SP140: variants seen among roughly 807,000 people sequenced by gnomAD.
SP140 encodes SP140 nuclear body protein.
A neutral mutation model predicts 125.0 loss-of-function variants in SP140; 81 were observed. The ratio of observed to expected loss-of-function variants is 0.65; its 90% CI spans 0.54 to 0.78. The LOEUF is 0.78. Among genes scored for constraint, SP140 ranks in the 30% least tolerant of loss-of-function variants. The pLI is 0.00. For missense variants in SP140, 858 were observed against 1,037.0 expected (o/e 0.83, Z 2.37); for synonymous variants, 312 against 354.0 (o/e 0.88, Z 1.33).
At chr2:230,260,485 G>A (rs1291066575) in intron 12 of SP140, among the ~76,000 whole-genome samples, 1 of 152,082 alleles carries the variant, frequency 6.6e-6, no homozygotes, top group Non-Finnish European at 1.5e-5. Context: ...TCTTTCATTT[G>A]CTTTTGGGTT....
chr2:230,201,635 T>C (rs1338836960), upstream of SP140, among the ~76,000 whole-genome samples: 1 of 152,228 alleles, frequency 6.6e-6, no homozygotes, highest in African/African-American at 2.4e-5. Flanking sequence ...AGCACTTCTA[T>C]TGCATCCTGA....
chr2:230,215,491 T>C (rs1300978379), intron 3 of SP140, among the ~76,000 whole-genome samples: 1 of 152,232 alleles, frequency 6.6e-6, no homozygotes, highest in Non-Finnish European at 1.5e-5. Context: ...GCAATGGTTC[T>C]AGTGATGGTC....
At chr2:230,278,587 A>G (rs2055061198) in intron 15 of SP140, among the ~76,000 whole-genome samples, 1 of 152,062 alleles carries the variant, frequency 6.6e-6, no homozygotes, top group African/African-American at 2.4e-5. Flanking sequence ...ACTAACCTCA[A>G]GGAGCTTTTC....
intron 12 of SP140, among the ~76,000 whole-genome samples, chr2:230,261,960 G>T (rs1339612899): frequency 6.6e-6 from 1 of 152,144 alleles, no homozygotes; most frequent in Non-Finnish European, 1.5e-5. Context: ...GGGTGATGCT[G>T]GCTTCACAGA....
rs1237770490 is a variant in SP140, at chr2:230,297,448, T to A, written c.2044T>A (p.Ser682Thr). 9 of 1,613,822 alleles carry A rather than the reference T, an allele frequency of 5.6e-6. No homozygotes were observed. Among genetic ancestry groups the A allele is most frequent in the Non-Finnish European group, 7.6e-6 (9 of 1,179,790 alleles). Residue 682 changes from serine to threonine, a missense_variant, in exon 22 of 27, where the codon TCA becomes ACA. Physicochemically the swap from Ser to Thr is moderately conservative, Grantham distance 58. Transcript: ENST00000392045. The stretch of plus-strand genomic sequence containing the variant: ...AATACTGAAGTCTCAAAACAATAGC[T>A]CAGTTGACCCTTGTGTAAGTACAAA... The part of the protein sequence containing the change: ...KRILKSQNNS[S>T]VDPCMRNLDE...
intron 1 of SP140, among the ~76,000 whole-genome samples, chr2:230,208,679 T>C (rs1455447471): frequency 1.3e-5 from 2 of 152,134 alleles, no homozygotes; most frequent in Non-Finnish European, 2.9e-5. Flanking sequence ...TTGCAGGAAG[T>C]AGCATTGTCA....
intron 12 of SP140, among the ~76,000 whole-genome samples, chr2:230,267,676 A>G (rs1231554099): frequency 1.3e-5 from 2 of 152,174 alleles, no homozygotes; most frequent in Non-Finnish European, 2.9e-5. Flanking sequence ...TGTCGGGGAG[A>G]TTATGGCTTT....
intron 15 of SP140, among the ~76,000 whole-genome samples, chr2:230,281,994 C>T (rs2055638700): frequency 6.6e-6 from 1 of 151,974 alleles, no homozygotes. Flanking sequence ...CAGAGCAAGC[C>T]CAGGTGGATG....
intron 10 of SP140, among the ~76,000 whole-genome samples, chr2:230,252,893 C>A (rs1052314692): frequency 6.6e-6 from 1 of 151,718 alleles, no homozygotes; most frequent in African/African-American, 2.4e-5. Context: ...GAGGAGTGAA[C>A]CAGGGATCAA....
chr2:230,273,067 T>C (rs1322263140), intron 15 of SP140, among the ~76,000 whole-genome samples: 4 of 152,144 alleles, frequency 2.6e-5, no homozygotes, highest in Non-Finnish European at 5.9e-5. Flanking sequence ...CCAAAAGCAA[T>C]TGCAATAAAA....
chr2:230,248,828 C>A (rs2049915633), intron 8 of SP140, 57 bp from the exon 9 acceptor site: 1 of 1,407,324 alleles, frequency 7.1e-7, no homozygotes, highest in Non-Finnish European at 1.0e-6. Flanking sequence ...CATGAACACA[C>A]TGAGGCCTGT....
upstream of SP140, chr2:230,202,545 C>A (rs781125528): frequency 1.1e-5 from 18 of 1,609,804 alleles, no homozygotes; most frequent in South Asian, 1.8e-4. Flanking sequence ...CCACACTGAG[C>A]CATTCAAATG....
At chr2:230,253,490 C>T in intron 11 of SP140, 73 bp downstream of exon 11, 2 of 1,105,928 alleles carry the variant, frequency 1.8e-6, no homozygotes, top group Non-Finnish European at 2.8e-6. Context: ...AAAAGCTTCC[C>T]TTTCTCCCAT....
At chr2:230,276,549 G>A (rs952716922) in intron 15 of SP140, among the ~76,000 whole-genome samples, 1 of 152,164 alleles carries the variant, frequency 6.6e-6, no homozygotes, top group Non-Finnish European at 1.5e-5. Flanking sequence ...AGATGTACAA[G>A]GTGATTAGCA....
chr2:230,265,353 G>C (rs1271238616), intron 12 of SP140, among the ~76,000 whole-genome samples: 1 of 152,060 alleles, frequency 6.6e-6, no homozygotes, highest in African/African-American at 2.4e-5. Context: ...TTCCAGGCTT[G>C]AAAACCTGCC....
At chr2:230,238,521 A>G (rs759610618) in intron 3 of SP140, 140 bp downstream of exon 3, 52 of 855,294 alleles carry the variant, frequency 6.1e-5, no homozygotes, top group Admixed American at 2.0e-4. Context: ...ATAATGATGA[A>G]AAAACACACA....
chr2:230,294,557 T>G (rs1027560089), intron 21 of SP140, among the ~76,000 whole-genome samples: 16 of 151,872 alleles, frequency 1.1e-4, no homozygotes, highest in African/African-American at 3.6e-4. Flanking sequence ...TAAGGAGCCA[T>G]CAGAATATAC....
Position 230,250,972 on chromosome 2 carries a change from T to C in SP140, c.977-9T>C. ...ATAATTTCTTGAGGGATTTCTTTTC[T>C]TTCTGCAGAGGGCAGTGATGACTGT... is the stretch of plus-strand genomic sequence containing the variant. On this transcript the variant is annotated splice_polypyrimidine_tract_variant and intron_variant, in intron 9 of 26. Coordinates refer to ENST00000392045, the MANE Select transcript of SP140 (RefSeq NM_007237.5). The C allele has an allele frequency of 1.2e-6, 2 of 1,613,570 alleles. No individual in the cohort carries two copies. The highest frequency in any genetic ancestry group is 8.5e-7 in the Non-Finnish European group (1 of 1,179,568).
chr2:230,252,159 C>T (rs7423615), intron 10 of SP140, among the ~76,000 whole-genome samples: 21,511 of 151,088 alleles, frequency 0.14, 1,712 homozygotes, highest in Middle Eastern at 0.22. Context: ...ATCCATGATA[C>T]GAGATAGGAG....
Sources: allele counts gnomAD v4.1 joint callset (sites outside exome capture counted in the v4.1 genomes callset), GRCh38; gene constraint gnomAD v4.1.1; transcripts MANE v1.5; gene names NCBI Gene and HGNC (gene_info 2026-07-23, HGNC 2026-07-21).